Variants in GAPVD1 observed in about 807,000 individuals in gnomAD.
GAPVD1 encodes the protein GTPase-activating protein and VPS9 domain-containing protein 1.
Under a neutral mutation model 155.5 loss-of-function variants are expected in GAPVD1, and 35 were observed. The ratio of observed to expected loss-of-function variants is 0.23; its 90% CI spans 0.17 to 0.30. The LOEUF is 0.30. Ranked by LOEUF, GAPVD1 falls within the 10% of genes least tolerant of loss-of-function variation. GAPVD1 has a pLI of 1.00. For missense variants in GAPVD1, 1,429 were observed against 1,775.7 expected, an observed-to-expected ratio of 0.80 and a Z score of 3.51; for synonymous variants, 636 against 619.7, an observed-to-expected ratio of 1.03 and a Z score of -0.39.
At chr9:125,357,611 G>A (rs1850284494) in intron 25 of GAPVD1, among the ~76,000 whole-genome samples, 1 of 151,996 alleles carries the variant, frequency 6.6e-6, no homozygotes, top group Non-Finnish European at 1.5e-5. Flanking sequence ...GAACAGTTAA[G>A]TATTTGAATA....
chr9:125,346,312 A>G (rs1589076889), intron 19 of GAPVD1: 1 of 196,654 alleles, frequency 5.1e-6, no homozygotes, highest in South Asian at 9.8e-5. Flanking sequence ...GAGATAGAAT[A>G]TGAATATTGT....
intron 2 of GAPVD1, among the ~76,000 whole-genome samples, chr9:125,273,222 C>T (rs939073726): frequency 6.6e-6 from 1 of 152,128 alleles, no homozygotes; most frequent in Non-Finnish European, 1.5e-5. Flanking sequence ...GATAGGCACC[C>T]ATTTCTAGAT....
At position 125,346,543 on chromosome 9, in the gene GAPVD1, C is replaced by T. The variant is rs76638880; in HGVS notation, c.3047-276C>T. ...TTTGAGTGCAAACACTTTAGAAATC[C>T]GTCATCCATTCAGTCTGCCCTGAAC... On this transcript the variant is annotated intron_variant, in intron 19 of 27. Transcript: ENST00000297933. 353 of 469,530 alleles carry T rather than the reference C, an allele frequency of 7.5e-4. 1 individual carries two copies. Among genetic ancestry groups the T allele is most frequent in the African/African-American group, 5.9e-3 (301 of 51,272 alleles). 29.1% of individuals were successfully genotyped at this position (469,530 alleles called of 1,614,324 possible).
At chr9:125,336,290 CAAAAAAAAA>C (rs34270139) in intron 15 of GAPVD1, among the ~76,000 whole-genome samples, 1 of 129,194 alleles carries the variant, frequency 7.7e-6, no homozygotes, top group Non-Finnish European at 1.7e-5. Flanking sequence ...AGCTTGAGAC[CAAAAAAAAA>C]AAAAAACAAA....
chr9:125,322,286 G>A (rs1023134464), intron 10 of GAPVD1, among the ~76,000 whole-genome samples: 8 of 151,906 alleles, frequency 5.3e-5, no homozygotes, highest in Non-Finnish European at 7.4e-5. Flanking sequence ...GGATGGTCTC[G>A]ATCTCCTGAC....
chr9:125,270,365 T>G lies in GAPVD1; in HGVS notation c.-150+1381T>G, dbSNP rs57890313. Reference sequence around the variant, plus strand: ...AATTGCTTGAACCTGGGAGGCAGAGTTTGCAGTGAGCTGAGATTGTGCCCC... The same window carrying G: ...AATTGCTTGAACCTGGGAGGCAGAGGTTGCAGTGAGCTGAGATTGTGCCCC... On this transcript the variant is annotated intron_variant, in intron 2 of 27. Transcript: ENST00000297933. Among the ~76,000 whole-genome samples the G allele has an allele frequency of 4.6e-3, 700 of 150,868 alleles. 6 individuals carry two copies. Among genetic ancestry groups the G allele is most frequent in the Middle Eastern group, 0.014 (4 of 288 alleles).
Position 125,363,248 on chromosome 9 carries a change from G to A in GAPVD1, c.*502G>A, listed in dbSNP as rs1851191252. On this transcript the variant is annotated 3_prime_UTR_variant, in exon 28 of 28. Transcript: ENST00000297933. ...ACTCACCTAAATTGAAAGCTAAGAA[G>A]GAAATGTAAATATAATATATATTTA... 1 of 151,936 alleles carries A rather than the reference G, an allele frequency of 6.6e-6. No individual in the cohort carries two copies. Among genetic ancestry groups the A allele is most frequent in the Non-Finnish European group, 1.5e-5 (1 of 68,000 alleles). The allele number at this position is 151,936 out of a possible 1,614,324, so 9.4% of individuals were successfully genotyped here.
At chr9:125,268,598 C>G (rs1257572915) in intron 1 of GAPVD1, among the ~76,000 whole-genome samples, 1 of 150,182 alleles carries the variant, frequency 6.7e-6, no homozygotes, top group Non-Finnish European at 1.5e-5. Flanking sequence ...CTCCCTGTCT[C>G]AAGAGATTCC....
chr9:125,335,162 G>T, intron 15 of GAPVD1: 5 of 755,740 alleles, frequency 6.6e-6, no homozygotes, highest in Non-Finnish European at 1.2e-5. Context: ...ACATGTCCGT[G>T]TGAGGCCAGA....
intron 25 of GAPVD1, among the ~76,000 whole-genome samples, chr9:125,358,405 C>G (rs546751537): frequency 2.0e-5 from 3 of 152,148 alleles, no homozygotes; most frequent in Non-Finnish European, 4.4e-5. Flanking sequence ...CCCGCCCGGC[C>G]TTCTGTATTT....
chr9:125,353,774 A>C (rs912896131), intron 23 of GAPVD1, among the ~76,000 whole-genome samples: 13 of 152,206 alleles, frequency 8.5e-5, no homozygotes, highest in Admixed American at 2.6e-4. Flanking sequence ...AGAACAGCAC[A>C]GGAAAGACAT....
chr9:125,278,502 C>T (rs1836190460), intron 2 of GAPVD1, among the ~76,000 whole-genome samples: 1 of 151,768 alleles, frequency 6.6e-6, no homozygotes, highest in African/African-American at 2.4e-5. Flanking sequence ...GCCTGGGCGA[C>T]AGAGCGAGAC....
intron 10 of GAPVD1, 58 bp downstream of exon 10, chr9:125,321,620 T>G (rs1844347126): frequency 1.3e-6 from 2 of 1,483,574 alleles, no homozygotes; most frequent in African/African-American, 2.8e-5. Flanking sequence ...TGTTTTGTGT[T>G]TTTTAAAGGA....
intron 14 of GAPVD1, 87 bp downstream of exon 14, chr9:125,332,147 T>C (rs1846186998): frequency 9.4e-6 from 12 of 1,272,152 alleles, no homozygotes; most frequent in African/African-American, 1.5e-5. Flanking sequence ...CAAAAAGATA[T>C]GTTATATTTA....
intron 20 of GAPVD1, among the ~76,000 whole-genome samples, chr9:125,348,433 G>A (rs558227819): frequency 4.6e-5 from 7 of 152,194 alleles, no homozygotes; most frequent in South Asian, 2.1e-4. Context: ...GAGCTCAAGC[G>A]ATCTTCCTGC....
chr9:125,340,483 G>C (rs548258027), intron 17 of GAPVD1, among the ~76,000 whole-genome samples: 100 of 152,040 alleles, frequency 6.6e-4, no homozygotes, highest in Admixed American at 1.2e-3. Flanking sequence ...ATTTTTTATC[G>C]ATAAAAAAGG....
chr9:125,267,624 G>A (rs1200618065), intron 1 of GAPVD1, among the ~76,000 whole-genome samples: 1 of 152,058 alleles, frequency 6.6e-6, no homozygotes, highest in Non-Finnish European at 1.5e-5. Flanking sequence ...GATCAGGCTG[G>A]TCTTGAACTC....
At chr9:125,293,904 A>ATATATATATATAT (rs1839392600) in intron 2 of GAPVD1, among the ~76,000 whole-genome samples, 4 of 96,536 alleles carry the variant, frequency 4.1e-5, no homozygotes, top group Non-Finnish European at 8.2e-5. Context: ...ATATATATAT[A>ATATATATATATAT]AGTTTTTGTT....
In GAPVD1 at chr9:125,307,874, C is replaced by T; in HGVS notation, c.1435C>T (p.Pro479Ser). The change falls in exon 8 of 28, where the codon CCT (proline) becomes TCT (serine). Residue 479 changes from proline to serine, a missense_variant. Pro to Ser is a moderately conservative substitution (Grantham distance 74). Transcript: ENST00000297933. ...TTPANKKNRL[P>S]IATRSRSRTN... is the part of the protein sequence containing the mutation. ...TCCAGCAAATAAAAAGAATCGATTA[C>T]CTATAGGTAAAGAGAATTTCTCGTA... 1.3e-6 allele frequency: 2 copies of T among 1,596,922 alleles called. No individual in the cohort carries two copies. The highest frequency in any genetic ancestry group is 1.1e-5 in the South Asian group (1 of 90,748).
Sources: allele counts gnomAD v4.1 joint callset (sites outside exome capture counted in the v4.1 genomes callset), GRCh38; gene constraint gnomAD v4.1.1; transcripts MANE v1.5; gene names NCBI Gene and HGNC (gene_info 2026-07-23, HGNC 2026-07-21).